Variants in RGL3 observed in about 807,000 individuals in gnomAD.
RGL3 encodes ral guanine nucleotide dissociation stimulator-like 3.
A neutral mutation model predicts 90.6 loss-of-function variants in RGL3; 85 were observed. The observed-to-expected ratio is 0.94, with a 90% CI of 0.79 to 1.12. The LOEUF (loss-of-function observed/expected upper bound fraction) is 1.12. Among genes scored for constraint, RGL3 ranks in the 50% most tolerant of loss-of-function variants. The pLI, the probability that RGL3 is intolerant of heterozygous loss-of-function variation, is 0.00. For synonymous variants in RGL3, 408 were observed against 385.5 expected (o/e 1.06, Z -0.68); for missense variants, 1,034 against 939.2 (o/e 1.10, Z -1.32).
intron 5 of RGL3, among the ~76,000 whole-genome samples, chr19:11,414,024 G>A (rs1375261763): frequency 1.3e-5 from 2 of 148,708 alleles, no homozygotes; most frequent in South Asian, 4.2e-4. Context: ...GGGATTATAG[G>A]CATGAGCCGC....
intron 18 of RGL3, chr19:11,394,738 G>A (rs1968535066): frequency 2.0e-6 from 1 of 508,248 alleles, no homozygotes; most frequent in Non-Finnish European, 3.6e-6. Context: ...TCATAAGCCT[G>A]GGCAACCTCC....
chr19:11,410,715 G>GA (rs547167282), intron 5 of RGL3, among the ~76,000 whole-genome samples: 4 of 149,582 alleles, frequency 2.7e-5, no homozygotes, highest in Admixed American at 1.3e-4. Context: ...GTGGGCCCTG[G>GA]AAAAAAAAAT....
intron 13 of RGL3, 78 bp from the exon 14 acceptor site, chr19:11,400,375 G>C: frequency 7.5e-7 from 1 of 1,341,538 alleles, no homozygotes; most frequent in Non-Finnish European, 1.0e-6. Flanking sequence ...GAATCAGTTG[G>C]GAGGTGGGTT....
At chr19:11,399,073 G>A (rs1274636832) in intron 16 of RGL3, among the ~76,000 whole-genome samples, 2 of 152,088 alleles carry the variant, frequency 1.3e-5, no homozygotes, top group Non-Finnish European at 2.9e-5. Flanking sequence ...TTCCACCTCA[G>A]CCTGCTGAGT....
chr19:11,416,143 A>G lies in RGL3; in HGVS notation c.431T>C (p.Val144Ala). 1 of 1,560,206 alleles carries G rather than the reference A, an allele frequency of 6.4e-7. No individual in the cohort carries two copies. The highest frequency in any genetic ancestry group is 8.7e-7 in the Non-Finnish European group (1 of 1,156,010). Residue 144 changes from valine to alanine, a missense_variant, in exon 5 of 19, where the codon GTG becomes GCG. Physicochemically the swap from Val to Ala is moderately conservative, Grantham distance 64. Transcript: ENST00000380456. Reference sequence around the variant, plus strand: ...CAGCCAGGAGCCCAGCACTGACACCACAGCCCTGGCCAGAGAGGCAGGGTC... The same window carrying G: ...CAGCCAGGAGCCCAGCACTGACACCGCAGCCCTGGCCAGAGAGGCAGGGTC... Reference protein sequence around the residue: ...DLSFNKNLRAVVSVLGSWLQD... With the variant: ...DLSFNKNLRAAVSVLGSWLQD...
At position 11,418,681 on chromosome 19, in the gene RGL3, C is replaced by G. The variant is rs767106152; in HGVS notation, c.137G>C (p.Gly46Ala). ...SQRRSPAEGP[G>A]GSQAPSPIAN... ...AAACCCCCTCCTCACCTGGCTGCCC[C>G]CGGGGCCCTCCGCCGGGCTCCTGCG... The change falls in exon 2 of 19, where the codon GGG (glycine) becomes GCG (alanine). Residue 46 changes from glycine (G) to alanine (A), a missense_variant. Gly to Ala is a moderately conservative substitution (Grantham distance 60). Coordinates refer to ENST00000380456, the MANE Select transcript of RGL3 (RefSeq NM_001035223.4). 2 of 1,554,904 alleles carry G rather than the reference C, an allele frequency of 1.3e-6. No homozygotes were observed. Among genetic ancestry groups the G allele is most frequent in the South Asian group, 2.3e-5 (2 of 85,150 alleles).
At position 11,402,603 on chromosome 19, in the gene RGL3, C is replaced by G. The variant is rs1392975690; in HGVS notation, c.1242+47G>C. 1.9e-6 allele frequency: 3 copies of G among 1,612,740 alleles called. No homozygotes were observed. In the Admixed American group the frequency reaches 5.0e-5, roughly 27 times the overall value. Reference sequence around the variant, plus strand: ...ACTGACCCCATCACCATCCACAACCCTCCCTGAAGGTCCCACTTGTCCCCA... The same window carrying G: ...ACTGACCCCATCACCATCCACAACCGTCCCTGAAGGTCCCACTTGTCCCCA... On this transcript the variant is annotated intron_variant, in intron 10 of 18. Transcript: ENST00000380456.
chr19:11,397,747 G>A lies in RGL3; in HGVS notation c.1747-150C>T. ...ACATTGGCTGGGCGCAGTGGCTCAT[G>A]CCTGTAATCTCAGCATTTTGGGAGG... On this transcript the variant is annotated intron_variant, in intron 16 of 18. Coordinates refer to ENST00000380456, the MANE Select transcript of RGL3 (RefSeq NM_001035223.4). 3.7e-6 allele frequency: 3 copies of A among 801,630 alleles called. No individual in the cohort carries two copies. In the South Asian group the frequency reaches 7.7e-5, roughly 21 times the overall value. The allele number at this position is 801,630 out of a possible 1,614,324, so 49.7% of individuals were successfully genotyped here.
intron 9 of RGL3, among the ~76,000 whole-genome samples, chr19:11,403,113 C>T (rs1259742006): frequency 4.6e-5 from 7 of 151,764 alleles, no homozygotes; most frequent in African/African-American, 4.8e-5. Context: ...CGGCTCACTG[C>T]AGGCTCCGCC....
rs374802887 is a variant in RGL3, at chr19:11,397,531, G to A, written c.1813C>T (p.Pro605Ser). The change falls in exon 17 of 19, where the codon CCC (proline) becomes TCC (serine). Residue 605 changes from proline to serine, a missense_variant. Physicochemically the swap from Pro to Ser is moderately conservative, Grantham distance 74 (BLOSUM62 -1). Coordinates refer to ENST00000380456, the MANE Select transcript of RGL3 (RefSeq NM_001035223.4). The stretch of plus-strand genomic sequence containing the variant: ...TCCGAGCTCTGCTGCGCCGGGAGGG[G>A]GATTCGAGGGCTGCCCAGAGGCAAA... The part of the protein sequence containing the change: ...FALPLGSPRI[P>S]LPAQQSSEAR... 1.4e-5 allele frequency: 22 copies of A among 1,612,436 alleles called. No individual in the cohort carries two copies. In the South Asian group the frequency reaches 1.5e-4, roughly 11 times the overall value.
Position 11,397,279 on chromosome 19 carries a change from T to C in RGL3, c.1979A>G (p.Asp660Gly). 1 of 1,613,898 alleles carries C rather than the reference T, an allele frequency of 6.2e-7. No homozygotes were observed. The highest frequency in any genetic ancestry group is 1.1e-5 in the South Asian group (1 of 91,046). The change falls in exon 18 of 19, where the codon GAC (aspartate) becomes GGC (glycine). Residue 660 changes from aspartate (D) to glycine (G), a missense_variant. Physicochemically the swap from Asp to Gly is moderately conservative, Grantham distance 94. Transcript: ENST00000380456. Reference protein sequence around the residue: ...KHNVPQPWACDYQLFQVLPGD... With the variant: ...KHNVPQPWACGYQLFQVLPGD... ...AGGAAGGACTTGAAAGAGCTGATAG[T>C]CACAGGCCCAGGGCTGGGGCACATT...
chr19:11,418,065 G>A (rs897531761), intron 2 of RGL3, among the ~76,000 whole-genome samples: 1 of 151,950 alleles, frequency 6.6e-6, no homozygotes, highest in Non-Finnish European at 1.5e-5. Flanking sequence ...CTGGCCTTCT[G>A]CCTTGGTCTC....
chr19:11,396,733 C>T (rs1384398974), intron 18 of RGL3, among the ~76,000 whole-genome samples: 3 of 148,616 alleles, frequency 2.0e-5, no homozygotes, highest in African/African-American at 5.0e-5. Flanking sequence ...GGTATGATCT[C>T]GGCTCACTGC....
At chr19:11,405,082 C>T in intron 9 of RGL3, 65 bp downstream of exon 9, 2 of 1,322,816 alleles carry the variant, frequency 1.5e-6, no homozygotes, top group Non-Finnish European at 1.1e-6. Context: ...TTACCCCTGC[C>T]TGGCCCCAAG....
At position 11,415,637 on chromosome 19, in the gene RGL3, G is replaced by A. The variant is rs539128094; in HGVS notation, c.637+300C>T. 9.2e-5 allele frequency among the ~76,000 whole-genome samples: 14 copies of A among 151,988 alleles called. No homozygotes were observed. The South Asian group carries it at 1.0e-3, about 11-fold the overall frequency. On this transcript the variant is annotated intron_variant, in intron 5 of 18. Transcript: ENST00000380456. ...ATTATAGACATGCCCCACCACGCCC[G>A]GCTAATTTTGTATTTTTAGTAGGGA...
At chr19:11,402,169 A>AC in intron 12 of RGL3, 37 bp from the exon 13 acceptor site, 3 of 895,414 alleles carry the variant, frequency 3.4e-6, no homozygotes, top group Admixed American at 2.1e-5. Flanking sequence ...CCCCTGCCCC[A>AC]CCCCCACCCT....
At chr19:11,418,647 C>G in intron 2 of RGL3, 24 bp downstream of exon 2, 1 of 1,518,354 alleles carries the variant, frequency 6.6e-7, no homozygotes, top group East Asian at 2.4e-5. Context: ...CGGCCCCGCG[C>G]CACCCACCAA....
At chr19:11,414,519 A>ATC (rs1968957846) in intron 5 of RGL3, among the ~76,000 whole-genome samples, 1 of 105,420 alleles carries the variant, frequency 9.5e-6, no homozygotes, top group East Asian at 3.4e-4. Flanking sequence ...ATATATATAT[A>ATC]TATATATATA....
At position 11,419,308 on chromosome 19, in the gene RGL3, G is replaced by T; in HGVS notation, c.-30C>A. ...GGCGCCCGTCCCTCTCAGTGGCGCC[G>T]CTGAGTGAGGCGGAAGGGCCGGCGG... On this transcript the variant is annotated 5_prime_UTR_variant, in exon 1 of 19. Coordinates refer to ENST00000380456, the MANE Select transcript of RGL3 (RefSeq NM_001035223.4). 6.5e-7 allele frequency: 1 copy of T among 1,534,480 alleles called. No homozygotes were observed. The highest frequency in any genetic ancestry group is 8.7e-7 in the Non-Finnish European group (1 of 1,143,600).
Sources: gnomAD v4.1 joint callset for allele counts (sites outside exome capture counted in the v4.1 genomes callset) on GRCh38, gnomAD v4.1.1 for gene constraint, MANE v1.5 for transcripts, NCBI Gene and HGNC (gene_info 2026-07-23, HGNC 2026-07-21) for gene names.